Variants in LANCL2 observed in about 807,000 individuals in gnomAD.
LANCL2 encodes lanC-like protein 2.
In LANCL2, 33 loss-of-function variants were observed where a neutral mutation model predicts 56.9. That is an observed-to-expected ratio of 0.58 (90% CI 0.44 to 0.78). The LOEUF is 0.78. Ranked by LOEUF, LANCL2 falls within the 30% of genes least tolerant of loss-of-function variation. The pLI is 0.00. For missense variants in LANCL2, 562 were observed against 580.2 expected, an observed-to-expected ratio of 0.97 and a Z score of 0.32; for synonymous variants, 233 against 228.2, an observed-to-expected ratio of 1.02 and a Z score of -0.19.
intron 1 of LANCL2, among the ~76,000 whole-genome samples, chr7:55,390,442 C>A (rs1790173766): frequency 6.6e-6 from 1 of 152,114 alleles, no homozygotes; most frequent in African/African-American, 2.4e-5. Context: ...CCCATCTCTA[C>A]TAAAAATACA....
rs533804699 is a variant in LANCL2 at position 55,414,952 on chromosome 7, C to G, written c.1008+2863C>G. Reference sequence around the variant, plus strand: ...TGAGCTATGATCATGCCACTGCACTCCAGCCTGGGTGACACAGCAAGACCC... The same window carrying G: ...TGAGCTATGATCATGCCACTGCACTGCAGCCTGGGTGACACAGCAAGACCC... On this transcript the variant is annotated intron_variant, in intron 6 of 8. Coordinates refer to ENST00000254770, the MANE Select transcript of LANCL2 (RefSeq NM_018697.4). 9.2e-4 allele frequency among the ~76,000 whole-genome samples: 127 copies of G among 138,414 alleles called. 1 individual carries two copies. Among genetic ancestry groups the G allele is most frequent in the African/African-American group, 3.2e-3 (116 of 36,750 alleles). 90.8% of individuals were successfully genotyped at this position (138,414 alleles called of 152,430 possible).
chr7:55,385,714 G>C (rs1450351463), intron 1 of LANCL2, among the ~76,000 whole-genome samples: 1 of 152,106 alleles, frequency 6.6e-6, no homozygotes, highest in Non-Finnish European at 1.5e-5. Flanking sequence ...TGAAGTTTCG[G>C]GCACCATTGT....
chr7:55,392,657 C>T (rs187943864), intron 2 of LANCL2, among the ~76,000 whole-genome samples: 1 of 152,102 alleles, frequency 6.6e-6, no homozygotes, highest in African/African-American at 2.4e-5. Context: ...TGATTTTATA[C>T]CTTTTAATTG....
At chr7:55,390,663 C>T (rs1423437701) in intron 1 of LANCL2, among the ~76,000 whole-genome samples, 3 of 152,006 alleles carry the variant, frequency 2.0e-5, no homozygotes, top group Non-Finnish European at 4.4e-5. Context: ...CGCCTGTAGT[C>T]CCAGCTACTC....
intron 1 of LANCL2, among the ~76,000 whole-genome samples, 176 bp from the exon 2 acceptor site, chr7:55,391,617 C>T (rs1004375571): frequency 1.3e-5 from 2 of 151,670 alleles, no homozygotes; most frequent in Admixed American, 6.6e-5. Flanking sequence ...GGTATTATCT[C>T]ATTAAAAAAA....
chr7:55,404,699 C>T (rs1562865119), intron 5 of LANCL2, among the ~76,000 whole-genome samples: 2 of 152,008 alleles, frequency 1.3e-5, no homozygotes, highest in African/African-American at 2.4e-5. Flanking sequence ...CTGCAACCTC[C>T]GCCTCCTGGG....
chr7:55,418,213 A>T (rs1201313691), intron 6 of LANCL2, among the ~76,000 whole-genome samples: 1 of 148,286 alleles, frequency 6.7e-6, no homozygotes, highest in African/African-American at 2.5e-5. Flanking sequence ...ATAGAGTCTC[A>T]CTCTGTTACC....
chr7:55,375,976 T>G (rs1789995723), intron 1 of LANCL2, among the ~76,000 whole-genome samples: 1 of 152,222 alleles, frequency 6.6e-6, no homozygotes, highest in African/African-American at 2.4e-5. Flanking sequence ...TGCCCTATAT[T>G]TCTGACTTAA....
Position 55,433,371 on chromosome 7 carries a change from C to G in LANCL2, c.*2051C>G, listed in dbSNP as rs1790754562. 1 of 152,224 alleles carries G rather than the reference C, an allele frequency of 6.6e-6. No individual in the cohort carries two copies. Among genetic ancestry groups the G allele is most frequent in the Admixed American group, 6.5e-5 (1 of 15,288 alleles). 9.4% of individuals were successfully genotyped at this position (152,224 alleles called of 1,614,324 possible). A position where few individuals can be genotyped will look rare whatever the true frequency, so the allele number is the denominator to read the frequency against. ...AGCCACCTGGGTTGACACCTTCCTA[C>G]TTATCCACTAGATGTCATCAGAGGT... On this transcript the variant is annotated 3_prime_UTR_variant, in exon 9 of 9. Transcript: ENST00000254770.
intron 5 of LANCL2, among the ~76,000 whole-genome samples, chr7:55,402,898 G>A (rs1478230027): frequency 6.6e-6 from 1 of 151,262 alleles, no homozygotes; most frequent in African/African-American, 2.4e-5. Flanking sequence ...TGGCAGAGAC[G>A]CTCCTCACTT....
rs141991994 is a variant in LANCL2 at position 55,400,133 on chromosome 7, G to A, written c.678+29G>A. The A allele has an allele frequency of 4.3e-5, 65 of 1,524,976 alleles. No homozygotes were observed. The African/African-American group carries it at 6.7e-4, about 16-fold the overall frequency. 94.5% of individuals were successfully genotyped at this position (1,524,976 alleles called of 1,614,324 possible). A position where few individuals can be genotyped will look rare whatever the true frequency, so the allele number is the denominator to read the frequency against. On this transcript the variant is annotated intron_variant, in intron 4 of 8. Transcript: ENST00000254770. ...CTATGGGGTATGGGTAACTATGGGCGTCTCTACCATTCAAACCTATTTGCT... is the reference window on the plus strand; with the variant it reads ...CTATGGGGTATGGGTAACTATGGGCATCTCTACCATTCAAACCTATTTGCT...
In LANCL2 at chr7:55,393,168, T is replaced by C. The variant is rs376506557; in HGVS notation, c.322+1258T>C. On this transcript the variant is annotated intron_variant, in intron 2 of 8. Transcript: ENST00000254770. ...CTTGTTCTCAGGGATTAGACTGAAG[T>C]CCAAATTGCTAATGACAATTTATAT... Among the ~76,000 whole-genome samples, 22 of 152,360 alleles carry C rather than the reference T, an allele frequency of 1.4e-4. No individual in the cohort carries two copies. The South Asian group carries it at 4.6e-3, about 32-fold the overall frequency.
intron 8 of LANCL2, among the ~76,000 whole-genome samples, chr7:55,429,320 T>C (rs1034366234): frequency 2.0e-5 from 3 of 152,260 alleles, no homozygotes; most frequent in African/African-American, 7.2e-5. Flanking sequence ...TTTATTTTTC[T>C]AGACTTTTAA....
intron 2 of LANCL2, among the ~76,000 whole-genome samples, chr7:55,393,152 A>C (rs1790211655): frequency 1.3e-5 from 2 of 152,228 alleles, no homozygotes; most frequent in African/African-American, 4.8e-5. Flanking sequence ...CCTTGTTCTC[A>C]GGGATTAGAC....
intron 1 of LANCL2, among the ~76,000 whole-genome samples, chr7:55,388,849 T>G (rs1790155052): frequency 6.6e-6 from 1 of 152,140 alleles, no homozygotes; most frequent in African/African-American, 2.4e-5. Context: ...TGGCTGAGCT[T>G]GTGGCAGAGG....
intron 1 of LANCL2, among the ~76,000 whole-genome samples, chr7:55,373,340 G>T (rs1344736612): frequency 6.6e-6 from 1 of 150,844 alleles, no homozygotes; most frequent in African/African-American, 2.4e-5. Flanking sequence ...TCCCAGACTG[G>T]ACCACACTGG....
chr7:55,430,448 T>C (rs1019249444), intron 8 of LANCL2, among the ~76,000 whole-genome samples: 2 of 152,124 alleles, frequency 1.3e-5, no homozygotes, highest in African/African-American at 4.8e-5. Context: ...ACCAGGCTGC[T>C]GGTTACCTCT....
chr7:55,379,339 CTT>C (rs1211357013), intron 1 of LANCL2, among the ~76,000 whole-genome samples: 1 of 152,144 alleles, frequency 6.6e-6, no homozygotes, highest in Non-Finnish European at 1.5e-5. Context: ...GAAGTTCTGT[CTT>C]TTTTATCATG....
intron 8 of LANCL2, among the ~76,000 whole-genome samples, chr7:55,429,026 G>A (rs746044368): frequency 4.6e-5 from 7 of 152,278 alleles, no homozygotes; most frequent in South Asian, 2.1e-4. Context: ...CCGGATATTC[G>A]TTAGATTTGT....
Sources: allele counts gnomAD v4.1 joint callset (sites outside exome capture counted in the v4.1 genomes callset), GRCh38; gene constraint gnomAD v4.1.1; transcripts MANE v1.5; gene names NCBI Gene and HGNC (gene_info 2026-07-23, HGNC 2026-07-21).